The following TRAPPC9 variants were observed in gnomAD, a reference collection of about 807,000 sequenced individuals.
TRAPPC9 encodes trafficking protein particle complex subunit 9.
A neutral mutation model predicts 124.0 loss-of-function variants in TRAPPC9; 83 were observed. That is an observed-to-expected ratio of 0.67 (90% CI 0.56 to 0.80). TRAPPC9 has a LOEUF of 0.80. Ranked by LOEUF, TRAPPC9 falls within the 30% of genes least tolerant of loss-of-function variation. The pLI, the probability that TRAPPC9 is intolerant of heterozygous loss-of-function variation, is 0.00. For synonymous variants in TRAPPC9, 638 were observed against 617.5 expected (o/e 1.03, Z -0.49); for missense variants, 1,302 against 1,508.3 (o/e 0.86, Z 2.27).
chr8:140,153,367 G>A (rs1219818138), intron 17 of TRAPPC9, among the ~76,000 whole-genome samples: 1 of 151,944 alleles, frequency 6.6e-6, no homozygotes. Flanking sequence ...CAATTGCTAT[G>A]ACCATTCATT....
At position 140,366,905 on chromosome 8, in the gene TRAPPC9, A is replaced by G. The variant is rs190920951; in HGVS notation, c.1351+4059T>C. 5.2e-3 allele frequency among the ~76,000 whole-genome samples: 795 copies of G among 152,350 alleles called. 7 individuals are homozygous for G. The highest frequency in any genetic ancestry group is 0.018 in the African/African-American group (759 of 41,586). On this transcript the variant is annotated intron_variant, in intron 8 of 22. Coordinates refer to ENST00000438773, the MANE Select transcript of TRAPPC9 (RefSeq NM_001160372.4). ...AATGAAACAAACAACCTAATTAAAA[A>G]GGGGGCAAAAGATCTGAACAGACAT...
At chr8:140,052,208 C>T (rs1392180427) in intron 17 of TRAPPC9, among the ~76,000 whole-genome samples, 2 of 89,558 alleles carry the variant, frequency 2.2e-5, no homozygotes, top group Non-Finnish European at 4.3e-5. Context: ...ACGGTATTCT[C>T]CAAAACAACA....
At chr8:140,120,054 T>A (rs2060956187) in intron 17 of TRAPPC9, among the ~76,000 whole-genome samples, 1 of 152,168 alleles carries the variant, frequency 6.6e-6, no homozygotes, top group South Asian at 2.1e-4. Flanking sequence ...TAAACTGACA[T>A]AGCACATCCT....
chr8:140,047,222 A>G (rs1841659799), intron 17 of TRAPPC9, among the ~76,000 whole-genome samples: 1 of 152,142 alleles, frequency 6.6e-6, no homozygotes, highest in Non-Finnish European at 1.5e-5. Context: ...GCCTCCTTCC[A>G]CATCACACAC....
Position 139,732,054 on chromosome 8 carries a change from G to C in TRAPPC9, c.3204C>G (p.His1068Gln), listed in dbSNP as rs1391326470. The C allele has an allele frequency of 3.1e-6, 5 of 1,604,928 alleles. No individual in the cohort carries two copies. The African/African-American group carries it at 6.7e-5, about 21-fold the overall frequency. The stretch of plus-strand genomic sequence containing the variant: ...GGTCGTAGTTGTGCACGCCGTTCTG[G>C]TGGTCCTGGAAGGGGACCACAGTGA... ...FALTVVPFQDHQNGVHNYDLH... is the reference protein window; with the variant it reads ...FALTVVPFQDQQNGVHNYDLH... Residue 1068 changes from histidine (H) to glutamine (Q), a missense_variant, in exon 22 of 23, where the codon CAC becomes CAG. By Grantham distance (24) the His-to-Gln change is conservative. Coordinates refer to ENST00000438773, the MANE Select transcript of TRAPPC9 (RefSeq NM_001160372.4).
At chr8:140,421,914 C>T (rs2070224347) in intron 5 of TRAPPC9, among the ~76,000 whole-genome samples, 1 of 145,046 alleles carries the variant, frequency 6.9e-6, no homozygotes, top group African/African-American at 2.5e-5. Context: ...AATGATTCTG[C>T]CTACATTCGA....
chr8:140,426,776 G>A (rs1335611342), intron 4 of TRAPPC9, 135 bp from the exon 5 acceptor site: 1 of 834,312 alleles, frequency 1.2e-6, no homozygotes, highest in East Asian at 2.6e-5. Flanking sequence ...AAGCAATTCT[G>A]AGGAACAGTA....
chr8:140,427,505 C>T (rs939924042), intron 4 of TRAPPC9, among the ~76,000 whole-genome samples: 1 of 152,090 alleles, frequency 6.6e-6, no homozygotes, highest in Non-Finnish European at 1.5e-5. Context: ...ATTAACTTCA[C>T]TATTATGAAG....
At position 140,114,476 on chromosome 8, in the gene TRAPPC9, C is replaced by T. The variant is rs78182943; in HGVS notation, c.2557-90397G>A. On this transcript the variant is annotated intron_variant, in intron 17 of 22. Coordinates refer to ENST00000438773, the MANE Select transcript of TRAPPC9 (RefSeq NM_001160372.4). The stretch of plus-strand genomic sequence containing the variant: ...ATGTCATTAATTTGACTGTTCTCTT[C>T]GACAAAAATTTGAATTAAGCTTGAT... Among the ~76,000 whole-genome samples the T allele has an allele frequency of 3.7e-3, 560 of 152,178 alleles. 1 individual carries two copies. The highest frequency in any genetic ancestry group is 5.9e-3 in the Non-Finnish European group (401 of 68,018).
chr8:140,362,773 G>A lies in TRAPPC9; in HGVS notation c.1352-2580C>T, dbSNP rs796501516. On this transcript the variant is annotated intron_variant, in intron 8 of 22. Coordinates refer to ENST00000438773, the MANE Select transcript of TRAPPC9 (RefSeq NM_001160372.4). ...CATGACTAACCTAGCCATGAATTCA[G>A]AAAGACCCAATTTAACTAATCTCAA... Among the ~76,000 whole-genome samples, 6 of 152,260 alleles carry A rather than the reference G, an allele frequency of 3.9e-5. No individual in the cohort carries two copies. In the South Asian group the frequency reaches 1.2e-3, roughly 32 times the overall value.
chr8:140,072,593 AAGGAGGAGG>A (rs139221264), intron 17 of TRAPPC9, among the ~76,000 whole-genome samples: 3,249 of 141,188 alleles, frequency 0.023, 105 homozygotes, highest in African/African-American at 0.069. Context: ...AGGAGAAGGG[AAGGAGGAGG>A]AGGAGGAGGA....
chr8:139,930,251 C>T (rs189748536), intron 19 of TRAPPC9, among the ~76,000 whole-genome samples: 6 of 152,288 alleles, frequency 3.9e-5, no homozygotes, highest in Admixed American at 3.9e-4. Flanking sequence ...ATCCCAACTC[C>T]TGAGATGGGA....
At chr8:140,265,869 T>A (rs2064634339) in intron 15 of TRAPPC9, among the ~76,000 whole-genome samples, 1 of 152,176 alleles carries the variant, frequency 6.6e-6, no homozygotes, top group South Asian at 2.1e-4. Flanking sequence ...AGAAAAGCAA[T>A]AAAGAGAATC....
intron 21 of TRAPPC9, among the ~76,000 whole-genome samples, chr8:139,823,307 T>C (rs1825382824): frequency 6.6e-6 from 1 of 151,428 alleles, no homozygotes; most frequent in Non-Finnish European, 1.5e-5. Flanking sequence ...AGTGTGATTT[T>C]AAGTGGGGGA....
At chr8:140,093,098 C>T (rs1199010288) in intron 17 of TRAPPC9, among the ~76,000 whole-genome samples, 2 of 151,976 alleles carry the variant, frequency 1.3e-5, no homozygotes, top group Non-Finnish European at 2.9e-5. Context: ...CATAAACCAT[C>T]CCCAAACACT....
intron 16 of TRAPPC9, among the ~76,000 whole-genome samples, chr8:140,250,302 C>G (rs568579095): frequency 1.3e-5 from 2 of 152,334 alleles, no homozygotes; most frequent in East Asian, 3.9e-4. Flanking sequence ...TTCCAGCTAT[C>G]TATGGCCGAC....
At chr8:140,412,354 G>A (rs909624242) in intron 5 of TRAPPC9, among the ~76,000 whole-genome samples, 2 of 152,182 alleles carry the variant, frequency 1.3e-5, no homozygotes, top group Non-Finnish European at 2.9e-5. Flanking sequence ...AGGCTGAGAC[G>A]ATACTAAGTG....
intron 17 of TRAPPC9, among the ~76,000 whole-genome samples, chr8:140,152,079 C>T (rs549322914): frequency 5.3e-5 from 8 of 152,092 alleles, no homozygotes; most frequent in Admixed American, 2.6e-4. Context: ...CCCATTTCCT[C>T]GCCTAGTTAT....
chr8:140,155,098 C>T (rs531514660), intron 17 of TRAPPC9, among the ~76,000 whole-genome samples: 113 of 152,254 alleles, frequency 7.4e-4, no homozygotes, highest in Non-Finnish European at 1.5e-3. Flanking sequence ...GACTGGAAGG[C>T]GTATTCAAGG....
Sources: allele counts gnomAD v4.1 joint callset (sites outside exome capture counted in the v4.1 genomes callset), GRCh38; gene constraint gnomAD v4.1.1; transcripts MANE v1.5; gene names NCBI Gene and HGNC (gene_info 2026-07-23, HGNC 2026-07-21).